Variants in OR6N1 observed in about 807,000 individuals in gnomAD.
OR6N1 encodes olfactory receptor family 6 subfamily N member 1.
For synonymous variants in OR6N1, 170 were observed against 150.7 expected (o/e 1.13, Z -0.94); for missense variants, 394 against 371.7 (o/e 1.06, Z -0.49).
the OR6N1 span, among the ~76,000 whole-genome samples, chr1:158,838,458 T>G: frequency 1.5e-4 from 23 of 152,098 alleles, no homozygotes; most frequent in Non-Finnish European, 2.9e-5. Context: ...ATAATCCTAT[T>G]GAAGATTTCT....
the OR6N1 span, among the ~76,000 whole-genome samples, chr1:158,779,210 G>A: frequency 6.6e-6 from 1 of 151,976 alleles, no homozygotes; most frequent in African/African-American, 2.4e-5. Context: ...GATGCAAAAA[G>A]AAAACAATAA....
At chr1:158,836,524 A>G in the OR6N1 span, among the ~76,000 whole-genome samples, 4 of 151,884 alleles carry the variant, frequency 2.6e-5, no homozygotes, top group Middle Eastern at 3.2e-3. Context: ...TTGATGTATA[A>G]TTGTTCAAAG....
At chr1:158,835,926 ATTATC>A in the OR6N1 span, among the ~76,000 whole-genome samples, 18 of 151,224 alleles carry the variant, frequency 1.2e-4, no homozygotes, top group South Asian at 3.5e-3. Context: ...AATGTGGTGT[ATTATC>A]TTAATTGATT....
At chr1:158,783,745 T>C in the OR6N1 span, among the ~76,000 whole-genome samples, 1 of 152,174 alleles carries the variant, frequency 6.6e-6, no homozygotes, top group Non-Finnish European at 1.5e-5. Context: ...AACACCATCA[T>C]TCAATTCCTA....
the OR6N1 span, among the ~76,000 whole-genome samples, chr1:158,831,924 T>A: frequency 6.6e-6 from 1 of 152,162 alleles, no homozygotes; most frequent in African/African-American, 2.4e-5. Flanking sequence ...TATTATGAAG[T>A]AATATTTAGT....
chr1:158,822,285 G>A, the OR6N1 span, among the ~76,000 whole-genome samples: 2 of 152,068 alleles, frequency 1.3e-5, no homozygotes, highest in Non-Finnish European at 2.9e-5. Flanking sequence ...TTTGTAACTT[G>A]CTTTAGGCAG....
the OR6N1 span, among the ~76,000 whole-genome samples, chr1:158,800,428 C>T: frequency 1.3e-5 from 2 of 152,098 alleles, no homozygotes; most frequent in Non-Finnish European, 2.9e-5. Flanking sequence ...AATTGGTTTG[C>T]CTTTATTTAG....
rs1332302398 is a variant in OR6N1 at position 158,765,513 on chromosome 1, ACATCATGTTGAAGG to A, written c.*217_*230del. On this transcript the variant is annotated 3_prime_UTR_variant, in exon 2 of 2. Transcript: ENST00000641846. ...TCTGAGTTTTGAAAATCACTGCACT[ACATCATGTTGAAGG>A]GATGTGTACTTTCCCTAGTCTCTGG... 2 of 470,684 alleles carry A rather than the reference ACATCATGTTGAAGG, an allele frequency of 4.2e-6. No homozygotes were observed. Among genetic ancestry groups the A allele is most frequent in the Non-Finnish European group, 7.6e-6 (2 of 263,290 alleles). 29.2% of individuals were successfully genotyped at this position (470,684 alleles called of 1,614,324 possible). A position where few individuals can be genotyped will look rare whatever the true frequency, so the allele number is the denominator to read the frequency against.
At chr1:158,779,135 C>T in the OR6N1 span, among the ~76,000 whole-genome samples, 4 of 151,810 alleles carry the variant, frequency 2.6e-5, no homozygotes, top group African/African-American at 7.3e-5. Flanking sequence ...ATATAGCTGG[C>T]TTGGTGAAAT....
In OR6N1 at chr1:158,766,304, A is replaced by C. The variant is rs371210885; in HGVS notation, c.379T>G (p.Cys127Gly). 6.2e-7 allele frequency: 1 copy of C among 1,614,024 alleles called. No individual in the cohort carries two copies. The highest frequency in any genetic ancestry group is 1.7e-5 in the Admixed American group (1 of 59,986). ...AMAYDRYLAICRPLHYPTLMT... is the reference protein window; with the variant it reads ...AMAYDRYLAIGRPLHYPTLMT... ...AGGGTTGGGTAGTGGAGGGGCCGGC[A>C]GATGGCTAAATACCTATCGTAGGCC... is the stretch of plus-strand genomic sequence containing the variant. Residue 127 changes from cysteine to glycine, a missense_variant, in exon 2 of 2, where the codon TGC becomes GGC. Transcript: ENST00000641846.
At chr1:158,775,605 G>A (rs1476402563), upstream of OR6N1, 1 of 152,106 alleles carries the variant, frequency 6.6e-6, no homozygotes, top group Non-Finnish European at 1.5e-5. Context: ...AAATATATTA[G>A]AATAGAATGA....
chr1:158,825,585 G>A, the OR6N1 span, among the ~76,000 whole-genome samples: 2 of 152,184 alleles, frequency 1.3e-5, no homozygotes, highest in African/African-American at 4.8e-5. Flanking sequence ...AAACCATCTC[G>A]TACCAGTCAG....
the OR6N1 span, among the ~76,000 whole-genome samples, chr1:158,819,441 C>G: frequency 6.6e-6 from 1 of 152,156 alleles, no homozygotes; most frequent in Non-Finnish European, 1.5e-5. Flanking sequence ...GTGGGTCACA[C>G]ACATTCCTTG....
chr1:158,838,221 T>G, the OR6N1 span, among the ~76,000 whole-genome samples: 1 of 152,046 alleles, frequency 6.6e-6, no homozygotes, highest in Admixed American at 6.6e-5. Context: ...TCTAGCATCC[T>G]TGTGTTTCAG....
chr1:158,776,930 T>C, upstream of OR6N1: 2 of 1,613,980 alleles, frequency 1.2e-6, no homozygotes, highest in Non-Finnish European at 1.7e-6. Context: ...GAAAAGGCCT[T>C]CTTTCTTCCT....
At chr1:158,838,174 T>G in the OR6N1 span, among the ~76,000 whole-genome samples, 1 of 152,016 alleles carries the variant, frequency 6.6e-6, no homozygotes, top group Non-Finnish European at 1.5e-5. Flanking sequence ...TTACCTTTCA[T>G]CAAGAACTTA....
At chr1:158,784,627 GA>G in the OR6N1 span, among the ~76,000 whole-genome samples, 5 of 151,962 alleles carry the variant, frequency 3.3e-5, no homozygotes, top group Admixed American at 3.3e-4. Context: ...CTATTTCTAT[GA>G]GATCAGTTTC....
At chr1:158,789,990 A>G in the OR6N1 span, among the ~76,000 whole-genome samples, 1 of 152,186 alleles carries the variant, frequency 6.6e-6, no homozygotes, top group South Asian at 2.1e-4. Context: ...TAAGTCTTTA[A>G]TGCATTTTGA....
At chr1:158,833,380 G>A in the OR6N1 span, among the ~76,000 whole-genome samples, 1 of 152,174 alleles carries the variant, frequency 6.6e-6, no homozygotes, top group Non-Finnish European at 1.5e-5. Flanking sequence ...CAAGTGTACA[G>A]TTCAGTAGTA....
Sources: gnomAD v4.1 joint callset for allele counts (sites outside exome capture counted in the v4.1 genomes callset) on GRCh38, gnomAD v4.1.1 for gene constraint, MANE v1.5 for transcripts, NCBI Gene and HGNC (gene_info 2026-07-23, HGNC 2026-07-21) for gene names.